Variants in CNOT4 observed in about 807,000 individuals in gnomAD.
The protein encoded by CNOT4 is CCR4-NOT transcription complex subunit 4, also known as CCR4-associated factor 4.
In CNOT4, 8 loss-of-function variants were observed where a neutral mutation model predicts 73.8. That is an observed-to-expected ratio of 0.11 (90% CI 0.06 to 0.20). The LOEUF (loss-of-function observed/expected upper bound fraction) is 0.20. CNOT4 is among the 10% of genes least tolerant of loss of function. CNOT4 has a pLI of 1.00. For synonymous variants in CNOT4, 293 were observed against 321.1 expected, an observed-to-expected ratio of 0.91 and a Z score of 0.94; for missense variants, 564 against 883.4, an observed-to-expected ratio of 0.64 and a Z score of 4.58.
At chr7:135,437,203 T>TC (rs1173886958) in intron 2 of CNOT4, among the ~76,000 whole-genome samples, 1 of 150,848 alleles carries the variant, frequency 6.6e-6, no homozygotes, top group East Asian at 2.0e-4. Flanking sequence ...TCTTTTCTTT[T>TC]TTTTGAGACG....
intron 10 of CNOT4, among the ~76,000 whole-genome samples, chr7:135,378,734 C>T (rs571453233): frequency 1.1e-4 from 16 of 152,004 alleles, no homozygotes; most frequent in African/African-American, 3.9e-4. Context: ...GCCTGTAATC[C>T]CAGCACTTTT....
At position 135,420,394 on chromosome 7, in the gene CNOT4, T is replaced by C. The variant is rs78269124; in HGVS notation, c.372+1762A>G. On this transcript the variant is annotated intron_variant, in intron 3 of 11. Transcript: ENST00000541284. Reference sequence around the variant, plus strand: ...GAGTTCAAGACCAGCCTGGGCAATGTGGCAAAACCCCATCTCTGCAAAAAA... The same window carrying C: ...GAGTTCAAGACCAGCCTGGGCAATGCGGCAAAACCCCATCTCTGCAAAAAA... Among the ~76,000 whole-genome samples, 277 of 151,976 alleles carry C rather than the reference T, an allele frequency of 1.8e-3. 6 individuals are homozygous for C. The East Asian group carries it at 0.041, about 22-fold the overall frequency.
intron 2 of CNOT4, among the ~76,000 whole-genome samples, chr7:135,432,861 G>GA (rs1225462716): frequency 3.3e-5 from 5 of 152,280 alleles, no homozygotes; most frequent in Admixed American, 2.0e-4. Context: ...CTTCTAGCTT[G>GA]AAGTCTTGCT....
intron 10 of CNOT4, among the ~76,000 whole-genome samples, chr7:135,371,014 A>C (rs1176609915): frequency 6.6e-6 from 1 of 152,242 alleles, no homozygotes; most frequent in Non-Finnish European, 1.5e-5. Flanking sequence ...GATATTAAAC[A>C]AAAGTCTCTA....
chr7:135,405,814 T>C (rs1011425715), intron 7 of CNOT4, among the ~76,000 whole-genome samples: 51 of 152,208 alleles, frequency 3.4e-4, no homozygotes, highest in African/African-American at 1.2e-3. Flanking sequence ...ATCTTAAGAT[T>C]TGTACTCTGG....
At chr7:135,383,562 T>A (rs1005760748) in intron 10 of CNOT4, among the ~76,000 whole-genome samples, 1 of 152,230 alleles carries the variant, frequency 6.6e-6, no homozygotes, top group African/African-American at 2.4e-5. Context: ...TGGAATTGCT[T>A]CCATGCTTTC....
chr7:135,368,639 G>C (rs1043973606), intron 10 of CNOT4, among the ~76,000 whole-genome samples: 1 of 152,200 alleles, frequency 6.6e-6, no homozygotes, highest in African/African-American at 2.4e-5. Flanking sequence ...CATTCGTGGA[G>C]TTGCCATTTT....
At chr7:135,396,657 A>G (rs1796711127) in intron 8 of CNOT4, among the ~76,000 whole-genome samples, 1 of 152,192 alleles carries the variant, frequency 6.6e-6, no homozygotes, top group Admixed American at 6.5e-5. Context: ...TGTATAATAA[A>G]TCTTTGTATG....
At chr7:135,397,704 T>C (rs1796773452) in intron 8 of CNOT4, among the ~76,000 whole-genome samples, 1 of 152,122 alleles carries the variant, frequency 6.6e-6, no homozygotes, top group African/African-American at 2.4e-5. Context: ...AATTCAACTT[T>C]GAACAGTTTA....
chr7:135,495,680 A>T (rs1803457371), intron 1 of CNOT4, among the ~76,000 whole-genome samples: 1 of 97,968 alleles, frequency 1.0e-5, no homozygotes, highest in Non-Finnish European at 2.1e-5. Flanking sequence ...AAAAAAAAAA[A>T]AAAAAAAAAA....
intron 1 of CNOT4, among the ~76,000 whole-genome samples, chr7:135,445,300 G>A (rs1799754800): frequency 1.3e-5 from 2 of 152,016 alleles, no homozygotes; most frequent in African/African-American, 2.4e-5. Flanking sequence ...ATTTGCCCTG[G>A]GAATAATGGA....
chr7:135,412,904 A>G (rs1797656198), intron 6 of CNOT4, among the ~76,000 whole-genome samples: 1 of 152,026 alleles, frequency 6.6e-6, no homozygotes, highest in Non-Finnish European at 1.5e-5. Context: ...GAAAGGAGAC[A>G]GGAGAAGAGG....
At position 135,362,655 on chromosome 7, in the gene CNOT4, C is replaced by A; in HGVS notation, c.*230G>T. ...CTCCTTAAAAAGGCATTTTTAGAAACATTCAACAGTGTCACTCAAATGCTG... is the reference window on the plus strand; with the variant it reads ...CTCCTTAAAAAGGCATTTTTAGAAAAATTCAACAGTGTCACTCAAATGCTG... On this transcript the variant is annotated 3_prime_UTR_variant, in exon 12 of 12. Coordinates refer to ENST00000541284, the MANE Select transcript of CNOT4 (RefSeq NM_001190850.2). The A allele has an allele frequency of 1.6e-6, 1 of 636,956 alleles. No homozygotes were observed. The highest frequency in any genetic ancestry group is 2.8e-6 in the Non-Finnish European group (1 of 353,844). The allele number at this position is 636,956 out of a possible 1,614,324, so 39.5% of individuals were successfully genotyped here. A position where few individuals can be genotyped will look rare whatever the true frequency, so the allele number is the denominator to read the frequency against.
chr7:135,420,475 G>A (rs955572675), intron 3 of CNOT4, among the ~76,000 whole-genome samples: 2 of 150,638 alleles, frequency 1.3e-5, no homozygotes, highest in African/African-American at 4.9e-5. Flanking sequence ...TACCTGGGGG[G>A]CTGAGGCACA....
intron 10 of CNOT4, chr7:135,388,169 T>G (rs903881656): frequency 1.0e-6 from 1 of 985,124 alleles, no homozygotes; most frequent in Non-Finnish European, 1.2e-6. Flanking sequence ...TAACCATCTA[T>G]GCATAATTAA....
intron 10 of CNOT4, among the ~76,000 whole-genome samples, chr7:135,377,211 A>C (rs1409713123): frequency 6.6e-6 from 1 of 152,260 alleles, no homozygotes; most frequent in Non-Finnish European, 1.5e-5. Flanking sequence ...AACACACATT[A>C]CTAAGTGGAA....
intron 1 of CNOT4, among the ~76,000 whole-genome samples, chr7:135,476,229 G>C (rs1407239721): frequency 6.6e-6 from 1 of 152,068 alleles, no homozygotes; most frequent in Non-Finnish European, 1.5e-5. Flanking sequence ...AACTGGGAGA[G>C]AGACAGATAT....
At chr7:135,379,994 C>A (rs1051541721) in intron 10 of CNOT4, among the ~76,000 whole-genome samples, 1 of 152,078 alleles carries the variant, frequency 6.6e-6, no homozygotes, top group African/African-American at 2.4e-5. Context: ...AGCAACAGTG[C>A]TAGGCTACAA....
intron 2 of CNOT4, among the ~76,000 whole-genome samples, chr7:135,427,418 T>G (rs1291338391): frequency 6.6e-6 from 1 of 152,200 alleles, no homozygotes; most frequent in African/African-American, 2.4e-5. Context: ...TTCTGATCCC[T>G]TCCACTGTCA....
Sources: allele counts gnomAD v4.1 joint callset (sites outside exome capture counted in the v4.1 genomes callset), GRCh38; gene constraint gnomAD v4.1.1; transcripts MANE v1.5; gene names NCBI Gene and HGNC (gene_info 2026-07-23, HGNC 2026-07-21).